RAP1GAP: variants seen among roughly 807,000 people sequenced by gnomAD.
The protein encoded by RAP1GAP is RAP1 GTPase activating protein.
A neutral mutation model predicts 87.2 loss-of-function variants in RAP1GAP; 35 were observed. The observed-to-expected ratio is 0.40, with a 90% CI of 0.31 to 0.53. The LOEUF (loss-of-function observed/expected upper bound fraction) is 0.53. RAP1GAP is among the 20% of genes least tolerant of loss of function. The pLI is 0.48. For synonymous variants in RAP1GAP, 375 were observed against 363.9 expected, an observed-to-expected ratio of 1.03 and a Z score of -0.35; for missense variants, 734 against 898.9, an observed-to-expected ratio of 0.82 and a Z score of 2.35.
chr1:21,596,717 G>A lies in RAP1GAP; in HGVS notation c.*582C>T, dbSNP rs543100957. 6.6e-6 allele frequency: 1 copy of A among 152,214 alleles called. No homozygotes were observed. Among genetic ancestry groups the A allele is most frequent in the Non-Finnish European group, 1.5e-5 (1 of 68,032 alleles). The allele number at this position is 152,214 out of a possible 1,614,324, so 9.4% of individuals were successfully genotyped here. A position where few individuals can be genotyped will look rare whatever the true frequency, so the allele number is the denominator to read the frequency against. On this transcript the variant is annotated 3_prime_UTR_variant, in exon 25 of 25. Transcript: ENST00000374765. ...AAGAAAATCCTACCTTCTAAGGCAG[G>A]TGCATGTAATCACAGTCTTCAGTGA...
At chr1:21,658,401 C>G (rs1033711891) in intron 1 of RAP1GAP, among the ~76,000 whole-genome samples, 5 of 151,822 alleles carry the variant, frequency 3.3e-5, no homozygotes, top group African/African-American at 1.2e-4. Context: ...AACCTTGTCT[C>G]TACTAAAAAT....
intron 2 of RAP1GAP, among the ~76,000 whole-genome samples, chr1:21,646,329 A>C (rs781308362): frequency 6.6e-6 from 1 of 152,182 alleles, no homozygotes; most frequent in Admixed American, 6.5e-5. Flanking sequence ...CCCTTAACTC[A>C]TAACCAAGAC....
In RAP1GAP at chr1:21,597,979, C is replaced by T. The variant is rs1384339330; in HGVS notation, c.1965G>A (p.Glu655=). 6.4e-7 allele frequency: 1 copy of T among 1,573,600 alleles called. No homozygotes were observed. The highest frequency in any genetic ancestry group is 8.6e-7 in the Non-Finnish European group (1 of 1,160,576). Residue 655 remains glutamate, a synonymous_variant, in exon 23 of 25, where the codon GAG becomes GAA. Transcript: ENST00000374765. ...PEIKIQLEAS[E]QHMPQLGC is the part of the protein sequence containing the mutation. The stretch of plus-strand genomic sequence containing the variant: ...CACGTACCAGCTGGGGCATGTGCTG[C>T]TCAGATGCTTCCAGCTGGATCTTGA...
At chr1:21,630,213 C>A (rs900813172) in intron 2 of RAP1GAP, among the ~76,000 whole-genome samples, 1 of 152,106 alleles carries the variant, frequency 6.6e-6, no homozygotes, top group African/African-American at 2.4e-5. Flanking sequence ...TAACACTATA[C>A]CACTGACACT....
rs1184511494 is a variant in RAP1GAP, at chr1:21,597,941, C to A, written c.1983+20G>T. Reference sequence around the variant, plus strand: ...CCGGGTGGGGCTCCCTCAGCACCAGCCCCAGGAGGCTGCACGTACCAGCTG... The same window carrying A: ...CCGGGTGGGGCTCCCTCAGCACCAGACCCAGGAGGCTGCACGTACCAGCTG... On this transcript the variant is annotated intron_variant, in intron 23 of 24. Transcript: ENST00000374765. The A allele has an allele frequency of 6.4e-7, 1 of 1,555,426 alleles. No individual in the cohort carries two copies. Among genetic ancestry groups the A allele is most frequent in the Non-Finnish European group, 8.7e-7 (1 of 1,148,014 alleles).
chr1:21,655,737 G>A (rs938004949), intron 1 of RAP1GAP, among the ~76,000 whole-genome samples: 2 of 152,250 alleles, frequency 1.3e-5, no homozygotes, highest in African/African-American at 4.8e-5. Flanking sequence ...CTGCCAGACT[G>A]TAGAGGAAGA....
rs1182358139 is a variant in RAP1GAP at position 21,606,131 on chromosome 1, C to T, written c.1363G>A (p.Val455Met). 1.3e-6 allele frequency: 2 copies of T among 1,585,734 alleles called. No individual in the cohort carries two copies. The highest frequency in any genetic ancestry group is 1.8e-5 in the Admixed American group (1 of 55,426). ...AAGCTCCCGCTGTGGCTGGTGGACA[C>T]GGTGTTGGGCTTCTTGTTGCTCAGC... ...MGLSNKKPNT[V>M]STSHSGSFAP... is the part of the protein sequence containing the mutation. Residue 455 changes from valine (V) to methionine (M), a missense_variant, in exon 18 of 25, where the codon GTG becomes ATG. This residue lies in a region of RAP1GAP where 485 missense variants were observed against 646.2 expected (regional missense o/e 0.75). Coordinates refer to ENST00000374765, the MANE Select transcript of RAP1GAP (RefSeq NM_002885.4).
chr1:21,668,175 G>C lies in RAP1GAP; in HGVS notation c.-149+1079C>G, dbSNP rs958874907. On this transcript the variant is annotated intron_variant, in intron 1 of 24. Coordinates refer to ENST00000374765, the MANE Select transcript of RAP1GAP (RefSeq NM_002885.4). The surrounding 1 kb of genome is among the most constrained non-coding windows in gnomAD (Gnocchi z 6.2). ...GAAGGAGGGACCACTACCTGTGCAG[G>C]GGGGGCCAGGAGCCTCCTGAGAGCC... Among the ~76,000 whole-genome samples the C allele has an allele frequency of 6.6e-6, 1 of 152,298 alleles. No individual in the cohort carries two copies. Among genetic ancestry groups the C allele is most frequent in the African/African-American group, 2.4e-5 (1 of 41,562 alleles).
At chr1:21,640,267 A>G (rs1199546330) in intron 2 of RAP1GAP, among the ~76,000 whole-genome samples, 2 of 152,034 alleles carry the variant, frequency 1.3e-5, no homozygotes, top group African/African-American at 2.4e-5. Flanking sequence ...CCCTCCCCAG[A>G]CCAGGAGAAG....
chr1:21,609,639 A>G lies in RAP1GAP; in HGVS notation c.1007T>C (p.Val336Ala). The change falls in exon 15 of 25, where the codon GTC (valine) becomes GCC (alanine). Residue 336 changes from valine to alanine, a missense_variant. Transcript: ENST00000374765. The surrounding 1 kb of genome is among the most constrained non-coding windows in gnomAD (Gnocchi z 4.4). ...GPDGPLYKVS[V>A]TARDDVPFFG... is the part of the protein sequence containing the mutation. The stretch of plus-strand genomic sequence containing the variant: ...GAAGGGCACATCATCTCTTGCAGTG[A>G]CAGAGACCTGGAAGGGAGGGCAGCT... 6.3e-7 allele frequency: 1 copy of G among 1,577,744 alleles called. No homozygotes were observed. The highest frequency in any genetic ancestry group is 1.2e-5 in the South Asian group (1 of 82,520).
intron 2 of RAP1GAP, chr1:21,627,036 C>G: frequency 2.2e-6 from 1 of 456,234 alleles, no homozygotes; most frequent in Non-Finnish European, 4.4e-6. Context: ...CCCGGACTCT[C>G]TGCCCACACC....
At chr1:21,608,731 C>A in intron 16 of RAP1GAP, 119 bp downstream of exon 16, 1 of 988,086 alleles carries the variant, frequency 1.0e-6, no homozygotes, top group South Asian at 1.4e-5. Context: ...CCATCCAGCC[C>A]CAGGTGTCCC....
chr1:21,635,450 G>T (rs1417904918), intron 2 of RAP1GAP, among the ~76,000 whole-genome samples: 1 of 152,156 alleles, frequency 6.6e-6, no homozygotes, highest in African/African-American at 2.4e-5. Context: ...AGTGGACAAT[G>T]GTGCTGGGTG....
chr1:21,628,400 T>TAAAAAAA (rs528098037), intron 2 of RAP1GAP, among the ~76,000 whole-genome samples: 1 of 52,436 alleles, frequency 1.9e-5, no homozygotes, highest in African/African-American at 1.2e-4. Flanking sequence ...CCATCTCTAC[T>TAAAAAAA]AAAAAAAAAA....
At chr1:21,631,381 C>A (rs2093693799) in intron 2 of RAP1GAP, among the ~76,000 whole-genome samples, 1 of 152,174 alleles carries the variant, frequency 6.6e-6, no homozygotes, top group Admixed American at 6.5e-5. Context: ...AGAGCCACAG[C>A]AACTTATTAA....
intron 5 of RAP1GAP, among the ~76,000 whole-genome samples, chr1:21,618,597 T>TC (rs3835552): frequency 0.12 from 17,780 of 152,108 alleles, 1,282 homozygotes; most frequent in East Asian, 0.23. Flanking sequence ...GACAGCAGCT[T>TC]ATGGAGCAGG....
intron 2 of RAP1GAP, among the ~76,000 whole-genome samples, chr1:21,642,487 G>A (rs942648570): frequency 1.3e-5 from 2 of 152,286 alleles, no homozygotes; most frequent in Admixed American, 1.3e-4. Flanking sequence ...GCTGGTGGCC[G>A]AGACAGCATC....
Position 21,656,513 on chromosome 1 carries a change from C to T in RAP1GAP, c.-148-6717G>A, listed in dbSNP as rs965192355. ...AGAATTCTGCTAGCTCTGAAAGTATCATTATCCTTACTTTGCCTGTGGCCT... is the reference window on the plus strand; with the variant it reads ...AGAATTCTGCTAGCTCTGAAAGTATTATTATCCTTACTTTGCCTGTGGCCT... On this transcript the variant is annotated intron_variant, in intron 1 of 24. Transcript: ENST00000374765. 7.3e-5 allele frequency among the ~76,000 whole-genome samples: 11 copies of T among 150,616 alleles called. No homozygotes were observed. In the South Asian group the frequency reaches 2.1e-3, roughly 29 times the overall value.
chr1:21,618,921 T>C lies in RAP1GAP; in HGVS notation c.66+104A>G. ...CGCACCTGGCACACTGTAAGACTAC[T>C]TGCTGAAAGGGGATGGATTTCCTGC... On this transcript the variant is annotated intron_variant, in intron 5 of 24. Coordinates refer to ENST00000374765, the MANE Select transcript of RAP1GAP (RefSeq NM_002885.4). The C allele has an allele frequency of 5.3e-6, 7 of 1,323,156 alleles. No individual in the cohort carries two copies. In the South Asian group the frequency reaches 9.2e-5, roughly 17 times the overall value. The allele number at this position is 1,323,156 out of a possible 1,614,324, so 82.0% of individuals were successfully genotyped here.
Sources: allele counts gnomAD v4.1 joint callset (sites outside exome capture counted in the v4.1 genomes callset), GRCh38; gene constraint gnomAD v4.1.1; regional missense constraint gnomAD v4.1.1; non-coding constraint Gnocchi (gnomAD v3.1); transcripts MANE v1.5; gene names NCBI Gene and HGNC (gene_info 2026-07-23, HGNC 2026-07-21).